Variants in MACROD2 observed in about 807,000 individuals in gnomAD.
The protein encoded by MACROD2 is mono-ADP ribosylhydrolase 2.
In MACROD2, 36 loss-of-function variants were observed where a neutral mutation model predicts 70.4. That is an observed-to-expected ratio of 0.51 (90% CI 0.39 to 0.68). The LOEUF is 0.68. Among genes scored for constraint, MACROD2 ranks in the 30% least tolerant of loss-of-function variants. The probability of loss-of-function intolerance (pLI) is 0.00; values close to 1 mark genes in which losing one functional copy is unlikely to be tolerated. For missense variants in MACROD2, 496 were observed against 538.4 expected (o/e 0.92, Z 0.78); for synonymous variants, 172 against 178.8 (o/e 0.96, Z 0.30).
intron 3 of MACROD2, among the ~76,000 whole-genome samples, chr20:14,393,740 T>C (rs974505542): frequency 6.6e-6 from 1 of 152,206 alleles, no homozygotes; most frequent in Non-Finnish European, 1.5e-5. Context: ...GGAGTTGTTA[T>C]GGACTGAATG....
rs149481828 is a variant in MACROD2, at chr20:15,069,700, T to C, written c.419-160240T>C. On this transcript the variant is annotated intron_variant, in intron 5 of 17. Coordinates refer to ENST00000684519, the MANE Select transcript of MACROD2 (RefSeq NM_001351661.2). ...ATAAGCCTTGGTGAGTTCCATGTGT[T>C]GCGAAGTCTGCAAGCATGCAGAATG... Among the ~76,000 whole-genome samples, 342 of 152,352 alleles carry C rather than the reference T, an allele frequency of 2.2e-3. 1 individual carries two copies. Among genetic ancestry groups the C allele is most frequent in the Non-Finnish European group, 3.5e-3 (236 of 68,016 alleles).
chr20:14,979,107 A>G (rs905806725), intron 5 of MACROD2, among the ~76,000 whole-genome samples: 44 of 98,484 alleles, frequency 4.5e-4, no homozygotes, highest in African/African-American at 1.4e-3. Context: ...ACACACCACC[A>G]TACCCAGCTA....
intron 3 of MACROD2, among the ~76,000 whole-genome samples, chr20:14,421,779 A>G (rs995035194): frequency 2.0e-5 from 3 of 151,834 alleles, no homozygotes; most frequent in East Asian, 1.9e-4. Context: ...TATGATTTCA[A>G]TCTTTTAAAA....
rs537832048 is a variant in MACROD2, at chr20:14,893,565, A to G, written c.418+208606A>G. 7.5e-4 allele frequency: 114 copies of G among 152,230 alleles called. 1 individual carries two copies. The highest frequency in any genetic ancestry group is 2.4e-3 in the African/African-American group (98 of 41,542). The allele number at this position is 152,230 out of a possible 1,614,324, so 9.4% of individuals were successfully genotyped here. ...TTAGCATATATTATTTACCTTTAATATTATATATTTTGTCCTTGCTTATTT... is the reference window on the plus strand; with the variant it reads ...TTAGCATATATTATTTACCTTTAATGTTATATATTTTGTCCTTGCTTATTT... On this transcript the variant is annotated intron_variant, in intron 5 of 17. Transcript: ENST00000684519.
chr20:14,570,532 G>T (rs1387666691), intron 4 of MACROD2, among the ~76,000 whole-genome samples: 2 of 151,826 alleles, frequency 1.3e-5, no homozygotes, highest in African/African-American at 4.8e-5. Context: ...AAATGAAGAG[G>T]ATTGGCAGTG....
intron 3 of MACROD2, among the ~76,000 whole-genome samples, chr20:14,329,814 T>C (rs545021880): frequency 2.0e-5 from 3 of 152,166 alleles, no homozygotes; most frequent in East Asian, 1.9e-4. Flanking sequence ...AGCTTTTCTT[T>C]TGATTTGCTT....
intron 6 of MACROD2, among the ~76,000 whole-genome samples, chr20:15,413,827 C>T (rs1203344035): frequency 6.6e-6 from 1 of 152,112 alleles, no homozygotes; most frequent in Non-Finnish European, 1.5e-5. Context: ...AGCTCTCAAC[C>T]TAAGAAGAGC....
At position 14,462,557 on chromosome 20, in the gene MACROD2, T is replaced by C. The variant is rs1236850126; in HGVS notation, c.272-30922T>C. On this transcript the variant is annotated intron_variant, in intron 3 of 17. Coordinates refer to ENST00000684519, the MANE Select transcript of MACROD2 (RefSeq NM_001351661.2). ...AGTTTAATTAGATCCCATTTGTCAA[T>C]TTTGGCTTTTGTTGCCATTGCTTTT... is the stretch of plus-strand genomic sequence containing the variant. 2.6e-5 allele frequency among the ~76,000 whole-genome samples: 4 copies of C among 151,062 alleles called. No homozygotes were observed. The East Asian group carries it at 8.0e-4, about 30-fold the overall frequency.
At chr20:14,177,148 CTATTT>C (rs1432740623) in intron 3 of MACROD2, among the ~76,000 whole-genome samples, 1 of 152,036 alleles carries the variant, frequency 6.6e-6, no homozygotes, top group Non-Finnish European at 1.5e-5. Context: ...TCCCAAGAAA[CTATTT>C]TATGGAATTA....
At chr20:15,266,890 C>A (rs1367831896) in intron 6 of MACROD2, among the ~76,000 whole-genome samples, 1 of 152,206 alleles carries the variant, frequency 6.6e-6, no homozygotes, top group Non-Finnish European at 1.5e-5. Context: ...TTCATCCAGA[C>A]GCCCTTCGCA....
At position 15,132,405 on chromosome 20, in the gene MACROD2, G is replaced by C. The variant is rs77150447; in HGVS notation, c.419-97535G>C. ...ATGTAGATGTAGAAATAGATAACTT[G>C]ATAGCCAGTTGGTTGGATGGATTGA... On this transcript the variant is annotated intron_variant, in intron 5 of 17. Coordinates refer to ENST00000684519, the MANE Select transcript of MACROD2 (RefSeq NM_001351661.2). 2.0e-4 allele frequency among the ~76,000 whole-genome samples: 30 copies of C among 152,104 alleles called. No individual in the cohort carries two copies. In the East Asian group the frequency reaches 5.8e-3, roughly 29 times the overall value.
At chr20:15,281,847 TTCCCTTCCA>T in intron 6 of MACROD2, among the ~76,000 whole-genome samples, 1 of 152,200 alleles carries the variant, frequency 6.6e-6, no homozygotes, top group Non-Finnish European at 1.5e-5. Context: ...AACCCCACAT[TTCCCTTCCA>T]TACTGCCCTA....
intron 8 of MACROD2, among the ~76,000 whole-genome samples, chr20:15,510,525 GT>G (rs2047485021): frequency 6.6e-6 from 1 of 152,212 alleles, no homozygotes; most frequent in Non-Finnish European, 1.5e-5. Flanking sequence ...GATGGGTGAT[GT>G]TTTCAGCCAG....
chr20:15,977,495 A>T (rs1377125908), intron 13 of MACROD2, among the ~76,000 whole-genome samples: 1 of 152,256 alleles, frequency 6.6e-6, no homozygotes, highest in Non-Finnish European at 1.5e-5. Context: ...GCTTAGTAGC[A>T]TACAAGACTT....
At chr20:15,419,623 G>A (rs2046201171) in intron 6 of MACROD2, among the ~76,000 whole-genome samples, 1 of 152,204 alleles carries the variant, frequency 6.6e-6, no homozygotes, top group Non-Finnish European at 1.5e-5. Flanking sequence ...CAATGGCCAT[G>A]AGCTGTGGGC....
At chr20:14,477,589 A>T (rs1219049325) in intron 3 of MACROD2, among the ~76,000 whole-genome samples, 3 of 152,168 alleles carry the variant, frequency 2.0e-5, no homozygotes, top group Non-Finnish European at 4.4e-5. Context: ...TTTTAAAGAA[A>T]AAATTGTTTT....
chr20:14,227,313 C>A (rs1026377002), intron 3 of MACROD2, among the ~76,000 whole-genome samples: 7 of 152,154 alleles, frequency 4.6e-5, no homozygotes, highest in African/African-American at 1.4e-4. Context: ...TCCCCTTTCA[C>A]ATGGTGGAAG....
chr20:15,757,366 A>G (rs2051362692), intron 8 of MACROD2, among the ~76,000 whole-genome samples: 1 of 145,456 alleles, frequency 6.9e-6, no homozygotes, highest in Non-Finnish European at 1.5e-5. Context: ...TGTACTTAGT[A>G]GGGCAATTTT....
chr20:15,251,517 T>G (rs2077155892), intron 6 of MACROD2, among the ~76,000 whole-genome samples: 1 of 152,208 alleles, frequency 6.6e-6, no homozygotes, highest in South Asian at 2.1e-4. Flanking sequence ...CTATATTCCT[T>G]AATGAAGGAC....
Sources: gnomAD v4.1 joint callset for allele counts (sites outside exome capture counted in the v4.1 genomes callset) on GRCh38, gnomAD v4.1.1 for gene constraint, MANE v1.5 for transcripts, NCBI Gene and HGNC (gene_info 2026-07-23, HGNC 2026-07-21) for gene names.